The following KLF13 variants were observed in gnomAD, a reference collection of about 807,000 sequenced individuals.
KLF13 encodes Krueppel-like factor 13.
KLF13 carries 8 observed loss-of-function variants against 16.7 expected under a neutral mutation model. The ratio of observed to expected loss-of-function variants is 0.48; its 90% CI spans 0.28 to 0.87. KLF13 has a LOEUF of 0.87. Among genes scored for constraint, KLF13 ranks in the 40% least tolerant of loss-of-function variants. The probability of loss-of-function intolerance (pLI) is 0.10; values close to 1 mark genes in which losing one functional copy is unlikely to be tolerated. For synonymous variants in KLF13, 245 were observed against 208.4 expected, an observed-to-expected ratio of 1.18 and a Z score of -1.51; for missense variants, 447 against 452.2, an observed-to-expected ratio of 0.99 and a Z score of 0.10.
intron 1 of KLF13, among the ~76,000 whole-genome samples, chr15:31,412,694 T>TTTC (rs59107929): frequency 0.96 from 145,785 of 152,194 alleles, 69,885 homozygotes; most frequent in East Asian, 1. Flanking sequence ...CAGCTCGTGA[T>TTTC]TTCTTAAAAA....
chr15:31,389,560 A>G (rs565392524), upstream of KLF13, among the ~76,000 whole-genome samples: 3 of 152,258 alleles, frequency 2.0e-5, no homozygotes, highest in East Asian at 5.8e-4. Flanking sequence ...TCTCTCTGAA[A>G]CTTTACATTA....
intron 1 of KLF13, among the ~76,000 whole-genome samples, chr15:31,353,776 C>G (rs1470003507): frequency 6.6e-6 from 1 of 152,208 alleles, no homozygotes; most frequent in East Asian, 1.9e-4. Context: ...GTGGCCAAGC[C>G]TGGGGCAGGG....
At chr15:31,346,304 C>T (rs541162120) in intron 1 of KLF13, among the ~76,000 whole-genome samples, 2 of 152,252 alleles carry the variant, frequency 1.3e-5, no homozygotes, top group Non-Finnish European at 2.9e-5. Context: ...GATTTCCACA[C>T]CGGCCCTTTG....
chr15:31,350,947 C>T (rs1489549863), intron 1 of KLF13, among the ~76,000 whole-genome samples: 1 of 152,166 alleles, frequency 6.6e-6, no homozygotes, highest in African/African-American at 2.4e-5. Context: ...ATGATGACAG[C>T]GAGAGCAGGG....
At chr15:31,393,881 T>C (rs904405198) in intron 2 of KLF13, among the ~76,000 whole-genome samples, 2 of 152,146 alleles carry the variant, frequency 1.3e-5, no homozygotes, top group Admixed American at 6.5e-5. Flanking sequence ...GTCGGGCTTC[T>C]GTCTGCGAGG....
At chr15:31,396,409 G>T (rs1443700668) in intron 2 of KLF13, among the ~76,000 whole-genome samples, 1 of 152,106 alleles carries the variant, frequency 6.6e-6, no homozygotes, top group African/African-American at 2.4e-5. Flanking sequence ...TGCCTGCCTC[G>T]GCCTCCCAAA....
At chr15:31,349,817 A>G (rs1239404277) in intron 1 of KLF13, among the ~76,000 whole-genome samples, 1 of 152,214 alleles carries the variant, frequency 6.6e-6, no homozygotes, top group Non-Finnish European at 1.5e-5. Context: ...GGGGGTTCAC[A>G]GCTTCCAGGT....
At chr15:31,378,458 C>T (rs1247291754), downstream of KLF13, among the ~76,000 whole-genome samples, 9 of 152,146 alleles carry the variant, frequency 5.9e-5, no homozygotes. Flanking sequence ...TAGCAGAGCC[C>T]GTTTAAGTCC....
At chr15:31,428,154 T>G (rs1446896493) in intron 1 of KLF13, among the ~76,000 whole-genome samples, 1 of 152,190 alleles carries the variant, frequency 6.6e-6, no homozygotes, top group Non-Finnish European at 1.5e-5. Flanking sequence ...TATAGGGGTA[T>G]CTAAAGTAGT....
chr15:31,345,793 G>A (rs7174211), intron 1 of KLF13, among the ~76,000 whole-genome samples: 56,557 of 152,012 alleles, frequency 0.37, 10,880 homozygotes, highest in African/African-American at 0.47. Flanking sequence ...CCAGCCTGGT[G>A]TAAAGTCGTC....
At chr15:31,335,910 G>A (rs1046282117) in intron 1 of KLF13, among the ~76,000 whole-genome samples, 14 of 152,232 alleles carry the variant, frequency 9.2e-5, no homozygotes, top group East Asian at 1.9e-4. Flanking sequence ...AGCAAAAATC[G>A]CTTACCAAAG....
At chr15:31,354,826 G>A (rs969616134) in intron 1 of KLF13, among the ~76,000 whole-genome samples, 7 of 151,872 alleles carry the variant, frequency 4.6e-5, no homozygotes, top group African/African-American at 1.5e-4. Context: ...CAGTTGTTTT[G>A]AAGGAAATCC....
intron 1 of KLF13, among the ~76,000 whole-genome samples, chr15:31,328,045 G>T (rs1377036039): frequency 6.8e-6 from 1 of 146,208 alleles, no homozygotes; most frequent in Non-Finnish European, 1.5e-5. Context: ...GGGCGCGCTC[G>T]GGTGGGGCCG....
downstream of KLF13, among the ~76,000 whole-genome samples, chr15:31,380,910 A>G (rs1433077147): frequency 6.6e-6 from 1 of 152,230 alleles, no homozygotes; most frequent in Non-Finnish European, 1.5e-5. Flanking sequence ...ACAGTGGCTT[A>G]TGCCTGTAAT....
chr15:31,432,482 T>C (rs2040485759), intron 1 of KLF13, among the ~76,000 whole-genome samples: 1 of 143,162 alleles, frequency 7.0e-6, no homozygotes, highest in Admixed American at 7.2e-5. Context: ...AAGGTCTTAC[T>C]CCGTTGCCCA....
At chr15:31,398,185 C>T (rs991836099) in intron 2 of KLF13, among the ~76,000 whole-genome samples, 4 of 152,158 alleles carry the variant, frequency 2.6e-5, no homozygotes, top group South Asian at 2.1e-4. Flanking sequence ...CGGGCGGGGC[C>T]TTAATTGGTG....
At chr15:31,428,820 A>AAAAAAAAAAAAAAAAAAAAAAAAAAG (rs61521558) in intron 1 of KLF13, among the ~76,000 whole-genome samples, 59 of 72,652 alleles carry the variant, frequency 8.1e-4, no homozygotes, top group Non-Finnish European at 1.1e-3. Context: ...AAAAAAAAAA[A>AAAAAAAAAAAAAAAAAAAAAAAAAAG]AAAAAGAAAA....
chr15:31,406,902 G>T (rs80192044), downstream of KLF13, among the ~76,000 whole-genome samples: 1 of 151,990 alleles, frequency 6.6e-6, no homozygotes, highest in South Asian at 2.1e-4. Flanking sequence ...TGGCCCTCTC[G>T]CCTCCCTCTT....
chr15:31,332,016 T>TA (rs2038842431), intron 1 of KLF13, among the ~76,000 whole-genome samples: 1 of 152,240 alleles, frequency 6.6e-6, no homozygotes, highest in Non-Finnish European at 1.5e-5. Flanking sequence ...GTAACTTATT[T>TA]ACCCTTCACT....
Sources: gnomAD v4.1 joint callset for allele counts (sites outside exome capture counted in the v4.1 genomes callset) on GRCh38, gnomAD v4.1.1 for gene constraint, MANE v1.5 for transcripts, NCBI Gene and HGNC (gene_info 2026-07-23, HGNC 2026-07-21) for gene names.